Variants in VWA8 observed in about 807,000 individuals in gnomAD.
The protein encoded by VWA8 is von Willebrand factor A domain containing 8.
In VWA8, 221 loss-of-function variants were observed where a neutral mutation model predicts 241.5. The ratio of observed to expected loss-of-function variants is 0.91; its 90% CI spans 0.82 to 1.02. VWA8 has a LOEUF of 1.02. Ranked by LOEUF, VWA8 falls within the 50% of genes least tolerant of loss-of-function variation. The pLI, the probability that VWA8 is intolerant of heterozygous loss-of-function variation, is 0.00. For missense variants in VWA8, 2,322 were observed against 2,328.7 expected, an observed-to-expected ratio of 1.00 and a Z score of 0.06; for synonymous variants, 852 against 827.1, an observed-to-expected ratio of 1.03 and a Z score of -0.52.
At chr13:41,719,247 T>C in intron 26 of VWA8, 1 of 652,460 alleles carries the variant, frequency 1.5e-6, no homozygotes, top group Non-Finnish European at 2.0e-6. Context: ...GTACATTATC[T>C]CTATGTGATT....
chr13:41,785,108 ATAG>A (rs1244590842), intron 18 of VWA8, among the ~76,000 whole-genome samples: 2 of 152,030 alleles, frequency 1.3e-5, no homozygotes, highest in Non-Finnish European at 2.9e-5. Flanking sequence ...AATAACATTA[ATAG>A]TAGTAGGTAT....
chr13:41,805,097 C>T (rs1416013257), intron 17 of VWA8, among the ~76,000 whole-genome samples: 1 of 152,076 alleles, frequency 6.6e-6, no homozygotes, highest in Non-Finnish European at 1.5e-5. Context: ...CTAAACTTTC[C>T]AGTCAAAAGA....
chr13:41,816,790 A>G lies in VWA8; in HGVS notation c.1870-15T>C, dbSNP rs1289371988. The G allele has an allele frequency of 6.3e-7, 1 of 1,591,014 alleles. No homozygotes were observed. The highest frequency in any genetic ancestry group is 8.6e-7 in the Non-Finnish European group (1 of 1,160,550). On this transcript the variant is annotated splice_polypyrimidine_tract_variant and intron_variant, in intron 15 of 44. Coordinates refer to ENST00000379310, the MANE Select transcript of VWA8 (RefSeq NM_015058.2). ...ACATTTGGGACCTATTTTTTGAAAG[A>G]GTTGAGGACAAACAGAAGGAATAAA...
chr13:41,586,652 A>C lies in VWA8; in HGVS notation c.5271+860T>G, dbSNP rs144021731. 2.8e-3 allele frequency among the ~76,000 whole-genome samples: 427 copies of C among 152,290 alleles called. 3 individuals are homozygous for C. The highest frequency in any genetic ancestry group is 9.9e-3 in the African/African-American group (411 of 41,552). ...TTGTTGCCTACCTCATAACACAGAG[A>C]CACAACTCAGGGAAGCAATCCTGGG... On this transcript the variant is annotated intron_variant, in intron 42 of 44. Coordinates refer to ENST00000379310, the MANE Select transcript of VWA8 (RefSeq NM_015058.2).
Position 41,784,723 on chromosome 13 carries a change from T to C in VWA8, c.2171-822A>G, listed in dbSNP as rs1449190009. Among the ~76,000 whole-genome samples, 18 of 72,900 alleles carry C rather than the reference T, an allele frequency of 2.5e-4. 1 individual carries two copies. Among genetic ancestry groups the C allele is most frequent in the South Asian group, 5.4e-4 (1 of 1,838 alleles). 47.8% of individuals were successfully genotyped at this position (72,900 alleles called of 152,430 possible). A position where few individuals can be genotyped will look rare whatever the true frequency, so the allele number is the denominator to read the frequency against. On this transcript the variant is annotated intron_variant, in intron 18 of 44. Coordinates refer to ENST00000379310, the MANE Select transcript of VWA8 (RefSeq NM_015058.2). ...ATATATATATATATATATATATATA[T>C]ATATATACACACACATATATATATA...
chr13:41,822,224 T>G (rs2137988345), intron 14 of VWA8, among the ~76,000 whole-genome samples: 1 of 152,294 alleles, frequency 6.6e-6, no homozygotes, highest in Non-Finnish European at 1.5e-5. Flanking sequence ...TCTCCAGTTT[T>G]TAAAGGGAAT....
intron 5 of VWA8, among the ~76,000 whole-genome samples, chr13:41,890,736 T>C (rs1418798804): frequency 1.3e-5 from 2 of 152,192 alleles, no homozygotes; most frequent in African/African-American, 4.8e-5. Flanking sequence ...GGGCACTGTA[T>C]TGCATTGTAA....
chr13:41,818,746 G>C (rs1870813769), intron 15 of VWA8, among the ~76,000 whole-genome samples: 1 of 152,088 alleles, frequency 6.6e-6, no homozygotes, highest in Non-Finnish European at 1.5e-5. Flanking sequence ...TTACAGTCTT[G>C]AGAGACCAGG....
At chr13:41,771,946 A>C (rs1249675618) in intron 20 of VWA8, among the ~76,000 whole-genome samples, 1 of 134,214 alleles carries the variant, frequency 7.5e-6, no homozygotes, top group Non-Finnish European at 1.5e-5. Context: ...GGTGGAGTGC[A>C]ATGGCGCAAT....
intron 18 of VWA8, among the ~76,000 whole-genome samples, chr13:41,786,244 G>A (rs1045752498): frequency 1.3e-5 from 2 of 152,104 alleles, no homozygotes; most frequent in South Asian, 2.1e-4. Context: ...AATCAGAATT[G>A]CAAAATATTA....
At chr13:41,620,306 G>A (rs1170990073) in intron 37 of VWA8, among the ~76,000 whole-genome samples, 6 of 151,914 alleles carry the variant, frequency 3.9e-5, no homozygotes, top group African/African-American at 7.3e-5. Context: ...CTGTGGGATC[G>A]GTGGTGATAT....
chr13:41,889,286 A>G (rs1046061738), intron 5 of VWA8, among the ~76,000 whole-genome samples: 3 of 152,186 alleles, frequency 2.0e-5, no homozygotes, highest in African/African-American at 7.2e-5. Context: ...ACATTTACCG[A>G]TAAAAACTTA....
intron 13 of VWA8, 49 bp from the exon 14 acceptor site, chr13:41,830,691 A>G (rs1871412079): frequency 1.3e-6 from 2 of 1,531,174 alleles, no homozygotes; most frequent in Non-Finnish European, 1.8e-6. Flanking sequence ...TGTTTTGAAC[A>G]CTGAAGTTTT....
chr13:41,817,222 A>G (rs964035444), intron 15 of VWA8, among the ~76,000 whole-genome samples: 6 of 152,246 alleles, frequency 3.9e-5, no homozygotes, highest in African/African-American at 1.4e-4. Flanking sequence ...TCTAAGTGAC[A>G]TAAGGTACAT....
At chr13:41,825,526 G>A (rs1871140020) in intron 14 of VWA8, among the ~76,000 whole-genome samples, 1 of 152,134 alleles carries the variant, frequency 6.6e-6, no homozygotes, top group Non-Finnish European at 1.5e-5. Flanking sequence ...GACTGTAGAA[G>A]CTGTTCTTTC....
At chr13:41,586,528 T>C (rs560319611) in intron 42 of VWA8, among the ~76,000 whole-genome samples, 1 of 151,724 alleles carries the variant, frequency 6.6e-6, no homozygotes, top group East Asian at 1.9e-4. Flanking sequence ...ATTCCTCACG[T>C]AGAGCTTCAC....
chr13:41,885,811 T>C, intron 8 of VWA8, 109 bp downstream of exon 8: 1 of 737,098 alleles, frequency 1.4e-6, no homozygotes, highest in Non-Finnish European at 2.2e-6. Context: ...CCTTACAATA[T>C]TTATAGAAGA....
intron 20 of VWA8, among the ~76,000 whole-genome samples, chr13:41,770,056 C>A (rs895774260): frequency 6.6e-6 from 1 of 152,056 alleles, no homozygotes; most frequent in East Asian, 1.9e-4. Context: ...TGAAAGTCGG[C>A]AGAATTTTCA....
chr13:41,820,475 G>A (rs1870904579), intron 14 of VWA8, among the ~76,000 whole-genome samples: 2 of 152,148 alleles, frequency 1.3e-5, no homozygotes, highest in Admixed American at 1.3e-4. Context: ...GGCATGATCT[G>A]TAATTTTAAA....
Sources: allele counts gnomAD v4.1 joint callset (sites outside exome capture counted in the v4.1 genomes callset), GRCh38; gene constraint gnomAD v4.1.1; transcripts MANE v1.5; gene names NCBI Gene and HGNC (gene_info 2026-07-23, HGNC 2026-07-21).